AUTS2: variants seen among roughly 807,000 people sequenced by gnomAD.
The protein encoded by AUTS2 is autism susceptibility gene 2 protein.
Under a neutral mutation model 112.4 loss-of-function variants are expected in AUTS2, and 17 were observed. The observed-to-expected ratio is 0.15, with a 90% confidence interval of 0.10 to 0.23. The LOEUF is 0.23. Among genes scored for constraint, AUTS2 ranks in the 10% least tolerant of loss-of-function variants. The pLI, the probability that AUTS2 is intolerant of heterozygous loss-of-function variation, is 1.00. For synonymous variants in AUTS2, 751 were observed against 702.7 expected (o/e 1.07, Z -1.09); for missense variants, 1,510 against 1,701.6 (o/e 0.89, Z 1.98).
At chr7:70,194,309 C>T (rs1173104938) in intron 4 of AUTS2, among the ~76,000 whole-genome samples, 1 of 152,092 alleles carries the variant, frequency 6.6e-6, no homozygotes, top group African/African-American at 2.4e-5. Context: ...ACTCAGGAGG[C>T]TGAGGCAAGA....
chr7:69,756,737 C>T (rs958674360), intron 1 of AUTS2, among the ~76,000 whole-genome samples: 18 of 152,106 alleles, frequency 1.2e-4, no homozygotes, highest in Non-Finnish European at 1.9e-4. Context: ...GAGTGGGATG[C>T]TCAGTGATGT....
chr7:69,794,847 G>C (rs1789770081), intron 1 of AUTS2, among the ~76,000 whole-genome samples: 1 of 152,030 alleles, frequency 6.6e-6, no homozygotes, highest in Non-Finnish European at 1.5e-5. Flanking sequence ...ATTAGTAGGA[G>C]GTAGGACTAT....
At chr7:69,643,053 T>C (rs1403323164) in intron 1 of AUTS2, among the ~76,000 whole-genome samples, 1 of 152,168 alleles carries the variant, frequency 6.6e-6, no homozygotes, top group African/African-American at 2.4e-5. Flanking sequence ...CTGTGATTGT[T>C]GGTGGAACTT....
intron 2 of AUTS2, among the ~76,000 whole-genome samples, chr7:70,086,107 T>G (rs959407380): frequency 1.3e-5 from 2 of 152,226 alleles, no homozygotes; most frequent in Admixed American, 1.3e-4. Flanking sequence ...GTCTTCCAAC[T>G]TACTTTTTCC....
chr7:69,940,228 C>G (rs1259472445), intron 2 of AUTS2, among the ~76,000 whole-genome samples: 2 of 152,188 alleles, frequency 1.3e-5, no homozygotes, highest in Non-Finnish European at 2.9e-5. Flanking sequence ...CTGGACCCCT[C>G]ATGGTGAGAA....
At chr7:70,244,262 A>G (rs771558526) in intron 4 of AUTS2, among the ~76,000 whole-genome samples, 1 of 152,200 alleles carries the variant, frequency 6.6e-6, no homozygotes, top group South Asian at 2.1e-4. Context: ...TGTAGATGTT[A>G]TATTCATTTG....
chr7:70,181,258 C>T (rs919154356), intron 4 of AUTS2, among the ~76,000 whole-genome samples: 4 of 152,150 alleles, frequency 2.6e-5, no homozygotes, highest in African/African-American at 9.7e-5. Flanking sequence ...CATGCTTGTA[C>T]AGATCTCCTT....
intron 4 of AUTS2, among the ~76,000 whole-genome samples, chr7:70,173,292 C>T (rs1192157456): frequency 2.0e-5 from 3 of 150,566 alleles, no homozygotes; most frequent in Non-Finnish European, 4.4e-5. Flanking sequence ...ACCCGGGAGG[C>T]GGAGCTTGCA....
intron 1 of AUTS2, among the ~76,000 whole-genome samples, chr7:69,609,297 G>T (rs182612537): frequency 6.6e-6 from 1 of 152,270 alleles, no homozygotes; most frequent in Non-Finnish European, 1.5e-5. Flanking sequence ...TGATTGTAAA[G>T]CTTCCCATTT....
chr7:70,181,236 T>C (rs1224814892), intron 4 of AUTS2, among the ~76,000 whole-genome samples: 1 of 152,220 alleles, frequency 6.6e-6, no homozygotes, highest in South Asian at 2.1e-4. Flanking sequence ...TTACGAACAA[T>C]GTTTCTGTGA....
rs1156542211 is a variant in AUTS2 at position 70,125,268 on chromosome 7, TG to T, written c.624+7036del. ...AGATGTGTGTGTGTGTGTGTGTGTGTGTGTGTGTGTGTGTGTGTTTTTAATG... is the reference window on the plus strand; with the variant it reads ...AGATGTGTGTGTGTGTGTGTGTGTGTTGTGTGTGTGTGTGTGTTTTTAATG... On this transcript the variant is annotated intron_variant, in intron 3 of 18. Transcript: ENST00000342771. Among the ~76,000 whole-genome samples the T allele has an allele frequency of 2.5e-4, 38 of 151,946 alleles. 1 individual carries two copies. In the East Asian group the frequency reaches 6.8e-3, roughly 27 times the overall value.
At chr7:70,287,038 T>C (rs987200273) in intron 4 of AUTS2, among the ~76,000 whole-genome samples, 3 of 152,232 alleles carry the variant, frequency 2.0e-5, no homozygotes, top group African/African-American at 7.2e-5. Context: ...AATTAAGTTG[T>C]TGCTTTTACC....
intron 2 of AUTS2, among the ~76,000 whole-genome samples, chr7:69,983,860 T>G (rs1018241388): frequency 5.3e-5 from 8 of 152,194 alleles, no homozygotes; most frequent in African/African-American, 1.9e-4. Flanking sequence ...TTCAAAGATA[T>G]TCTTCCTCTA....
At chr7:70,693,819 C>A (rs1808886481) in intron 5 of AUTS2, among the ~76,000 whole-genome samples, 1 of 152,192 alleles carries the variant, frequency 6.6e-6, no homozygotes, top group Admixed American at 6.5e-5. Flanking sequence ...AGGAGCGGTG[C>A]AGTTTCCGCC....
intron 1 of AUTS2, among the ~76,000 whole-genome samples, chr7:69,680,986 G>A (rs1796766999): frequency 6.6e-6 from 1 of 152,178 alleles, no homozygotes; most frequent in Non-Finnish European, 1.5e-5. Flanking sequence ...GAGTATTTTA[G>A]ATACCTCATC....
At chr7:70,723,836 C>T (rs1786845197) in intron 6 of AUTS2, among the ~76,000 whole-genome samples, 2 of 151,810 alleles carry the variant, frequency 1.3e-5, no homozygotes, top group African/African-American at 4.8e-5. Flanking sequence ...ATCAAGTATT[C>T]CTGAAACTAA....
chr7:70,100,096 T>G (rs938174548), intron 2 of AUTS2, among the ~76,000 whole-genome samples: 4 of 152,240 alleles, frequency 2.6e-5, no homozygotes, highest in African/African-American at 9.6e-5. Flanking sequence ...TTTGTTTCAG[T>G]AAGTAACTCT....
At chr7:70,290,500 G>C in intron 4 of AUTS2, 1 of 1,541,184 alleles carries the variant, frequency 6.5e-7, no homozygotes, top group South Asian at 1.2e-5. Flanking sequence ...ATTGCTTAAA[G>C]GATTCTAGTT....
intron 2 of AUTS2, among the ~76,000 whole-genome samples, chr7:69,934,018 T>G (rs543818021): frequency 1.3e-5 from 2 of 152,356 alleles, no homozygotes; most frequent in East Asian, 3.9e-4. Flanking sequence ...TATGTAAAGG[T>G]CTAGTTTAGA....
Sources: gnomAD v4.1 joint callset for allele counts (sites outside exome capture counted in the v4.1 genomes callset) on GRCh38, gnomAD v4.1.1 for gene constraint, MANE v1.5 for transcripts, NCBI Gene and HGNC (gene_info 2026-07-23, HGNC 2026-07-21) for gene names.